THSD7B: variants seen among roughly 807,000 people sequenced by gnomAD.
THSD7B encodes the protein thrombospondin type-1 domain-containing protein 7B.
THSD7B carries 138 observed loss-of-function variants against 213.6 expected under a neutral mutation model. The observed-to-expected ratio is 0.65, with a 90% confidence interval of 0.56 to 0.74. THSD7B has a LOEUF of 0.74. Among genes scored for constraint, THSD7B ranks in the 30% least tolerant of loss-of-function variants. THSD7B has a pLI of 0.00. For synonymous variants in THSD7B, 742 were observed against 687.0 expected (o/e 1.08, Z -1.25); for missense variants, 1,931 against 1,991.5 (o/e 0.97, Z 0.58).
intron 14 of THSD7B, among the ~76,000 whole-genome samples, chr2:137,412,443 A>G (rs1686679824): frequency 6.6e-6 from 1 of 151,838 alleles, no homozygotes; most frequent in Admixed American, 6.6e-5. Flanking sequence ...TCTACTGAAA[A>G]TACAAAATTA....
chr2:137,126,513 A>G (rs11899746), intron 5 of THSD7B, among the ~76,000 whole-genome samples: 101,613 of 150,222 alleles, frequency 0.68, 36,150 homozygotes, highest in Non-Finnish European at 0.78. Flanking sequence ...AAGAGAGTTA[A>G]GACCTTGCTC....
chr2:137,392,899 G>T (rs1293620901), intron 12 of THSD7B, among the ~76,000 whole-genome samples: 2 of 151,864 alleles, frequency 1.3e-5, no homozygotes, highest in Non-Finnish European at 2.9e-5. Context: ...CCTTCTTTGT[G>T]TGATTATTTT....
At chr2:136,931,813 A>C (rs1684634382) in intron 2 of THSD7B, among the ~76,000 whole-genome samples, 1 of 152,190 alleles carries the variant, frequency 6.6e-6, no homozygotes, top group Non-Finnish European at 1.5e-5. Context: ...ACTAGCTTTT[A>C]ATATATAACA....
intron 7 of THSD7B, among the ~76,000 whole-genome samples, chr2:137,183,948 A>G (rs1680503712): frequency 2.0e-5 from 3 of 152,178 alleles, no homozygotes; most frequent in Non-Finnish European, 4.4e-5. Flanking sequence ...TTGATTAAAG[A>G]TAATGGAACC....
chr2:137,457,982 C>A (rs560848092), intron 15 of THSD7B, among the ~76,000 whole-genome samples: 2 of 152,222 alleles, frequency 1.3e-5, no homozygotes, highest in South Asian at 2.1e-4. Context: ...TGCAATCAAT[C>A]ATTTTTTACA....
At chr2:137,076,959 A>G (rs1687638731) in intron 3 of THSD7B, among the ~76,000 whole-genome samples, 1 of 144,882 alleles carries the variant, frequency 6.9e-6, no homozygotes, top group East Asian at 2.1e-4. Flanking sequence ...ATATCTCCTA[A>G]TGCTATCCCT....
intron 2 of THSD7B, among the ~76,000 whole-genome samples, chr2:137,013,766 G>GGT (rs762007750): frequency 3.9e-5 from 6 of 152,060 alleles, no homozygotes; most frequent in Non-Finnish European, 8.8e-5. Context: ...GAGCCAGGCT[G>GGT]GTGTGTGTGA....
intron 15 of THSD7B, among the ~76,000 whole-genome samples, chr2:137,481,331 A>G (rs1239214553): frequency 6.6e-6 from 1 of 152,206 alleles, no homozygotes; most frequent in Non-Finnish European, 1.5e-5. Context: ...GCTCATACAG[A>G]AATATCGGGT....
At chr2:136,929,259 GT>G (rs1465584800) in intron 2 of THSD7B, among the ~76,000 whole-genome samples, 2 of 152,142 alleles carry the variant, frequency 1.3e-5, no homozygotes, top group Non-Finnish European at 2.9e-5. Flanking sequence ...AATCATTTCA[GT>G]TTGTAAAACA....
chr2:136,831,974 A>T (rs1254916620), intron 1 of THSD7B, among the ~76,000 whole-genome samples: 1 of 152,158 alleles, frequency 6.6e-6, no homozygotes, highest in Non-Finnish European at 1.5e-5. Context: ...GGCACCTAGC[A>T]AATGTATTAG....
chr2:137,026,398 A>T (rs958009837), intron 2 of THSD7B, among the ~76,000 whole-genome samples: 3 of 152,152 alleles, frequency 2.0e-5, no homozygotes, highest in African/African-American at 7.2e-5. Flanking sequence ...GAGTTTGGGA[A>T]GTATCTCTGC....
intron 9 of THSD7B, among the ~76,000 whole-genome samples, chr2:137,235,966 AAATT>A (rs1427648279): frequency 6.6e-6 from 1 of 152,208 alleles, no homozygotes; most frequent in Non-Finnish European, 1.5e-5. Flanking sequence ...GACTTTAGTG[AAATT>A]AATTAAAATT....
chr2:136,985,494 T>A (rs1023539988), intron 2 of THSD7B, among the ~76,000 whole-genome samples: 1 of 152,164 alleles, frequency 6.6e-6, no homozygotes, highest in Non-Finnish European at 1.5e-5. Flanking sequence ...GGCTTCCACA[T>A]GGTGTTAATT....
rs577588379 is a variant in THSD7B, at chr2:137,554,584, G to A, written c.3139-8637G>A. Among the ~76,000 whole-genome samples the A allele has an allele frequency of 2.6e-4, 40 of 152,214 alleles. No homozygotes were observed. The South Asian group carries it at 5.0e-3, about 19-fold the overall frequency. On this transcript the variant is annotated intron_variant, in intron 15 of 27. Transcript: ENST00000409968. ...GAGGGGAGGCGGTTCCAAGATGGCC[G>A]AATAGGATCAGCTCCAGTCTACAGC...
chr2:136,878,167 G>A (rs529108060), intron 1 of THSD7B, among the ~76,000 whole-genome samples: 9 of 152,116 alleles, frequency 5.9e-5, no homozygotes, highest in Admixed American at 2.6e-4. Context: ...GAGAACATGC[G>A]GTGTTTGGTT....
chr2:137,506,944 GAACT>G (rs1317700990), intron 15 of THSD7B, among the ~76,000 whole-genome samples: 2 of 152,126 alleles, frequency 1.3e-5, no homozygotes, highest in Non-Finnish European at 2.9e-5. Context: ...AGGTTTGAAA[GAACT>G]AACAATCACA....
rs1683712419 is a variant in THSD7B, at chr2:137,676,787, C to T, written c.*182C>T. 2 of 505,036 alleles carry T rather than the reference C, an allele frequency of 4.0e-6. No individual in the cohort carries two copies. The highest frequency in any genetic ancestry group is 4.4e-5 in the Admixed American group (1 of 22,872). 31.3% of individuals were successfully genotyped at this position (505,036 alleles called of 1,614,324 possible). A position where few individuals can be genotyped will look rare whatever the true frequency, so the allele number is the denominator to read the frequency against. ...ATGGAGTCAAGGATTATTAGGTCTG[C>T]CATTTTGTTTTCAAGTTGTTTGTGG... On this transcript the variant is annotated 3_prime_UTR_variant, in exon 28 of 28. Coordinates refer to ENST00000409968, the MANE Select transcript of THSD7B (RefSeq NM_001316349.2).
chr2:137,575,725 C>CATATATATAT (rs1223981117), intron 17 of THSD7B, among the ~76,000 whole-genome samples: 35 of 110,864 alleles, frequency 3.2e-4, no homozygotes, highest in African/African-American at 1.0e-3. Flanking sequence ...CCATAACACA[C>CATATATATAT]ATATATATAT....
intron 15 of THSD7B, among the ~76,000 whole-genome samples, chr2:137,484,751 T>G (rs1688390610): frequency 1.4e-5 from 1 of 72,754 alleles, no homozygotes; most frequent in African/African-American, 5.4e-5. Context: ...TGGTTTTGAT[T>G]TGCATTTCTC....
Sources: allele counts gnomAD v4.1 joint callset (sites outside exome capture counted in the v4.1 genomes callset), GRCh38; gene constraint gnomAD v4.1.1; transcripts MANE v1.5; gene names NCBI Gene and HGNC (gene_info 2026-07-23, HGNC 2026-07-21).